MGAM2: variants seen among roughly 807,000 people sequenced by gnomAD.
The protein encoded by MGAM2 is maltase-glucoamylase 2 (putative).
A neutral mutation model predicts 96.1 loss-of-function variants in MGAM2; 98 were observed. The observed-to-expected ratio is 1.02, with a 90% CI of 0.87 to 1.21. The LOEUF (loss-of-function observed/expected upper bound fraction) is 1.21, where lower values mean the gene tolerates loss of function less well. Ranked by LOEUF, MGAM2 falls within the 50% of genes most tolerant of loss-of-function variation. The pLI, the probability that MGAM2 is intolerant of heterozygous loss-of-function variation, is 0.00. For missense variants in MGAM2, 2,055 were observed against 1,182.4 expected, an observed-to-expected ratio of 1.74 and a Z score of -10.82; for synonymous variants, 749 against 414.8, an observed-to-expected ratio of 1.81 and a Z score of -9.79.
intron 10 of MGAM2, 139 bp downstream of exon 10, chr7:142,138,806 G>T: frequency 1.7e-6 from 1 of 594,908 alleles, no homozygotes; most frequent in East Asian, 2.8e-5. Flanking sequence ...AAATTTGCAT[G>T]TTAAGTTATG....
In MGAM2 at chr7:142,140,815, CT is replaced by C. The variant is rs1212807096; in HGVS notation, c.1101del (p.Asp368ThrfsTer2). 3 of 702,568 alleles carry C rather than the reference CT, an allele frequency of 4.3e-6. No individual in the cohort carries two copies. The African/African-American group carries it at 5.2e-5, about 12-fold the overall frequency. The allele number at this position is 702,568 out of a possible 1,614,324, so 43.5% of individuals were successfully genotyped here. ...LAEIPYDVQY[S>X]DIDYMDGKKD... Reference sequence around the variant, plus strand: ...GCTCTCTTTCAGGATGTCCAGTACTCTGACATAGACTACATGGATGGAAAGA... The same window carrying C: ...GCTCTCTTTCAGGATGTCCAGTACTCGACATAGACTACATGGATGGAAAGA... On this transcript the variant is annotated frameshift_variant, in exon 11 of 48. Transcript: ENST00000477922. LOFTEE classifies it high-confidence loss of function.
chr7:142,114,260 T>A (rs1253741171), intron 1 of MGAM2, among the ~76,000 whole-genome samples: 2 of 150,796 alleles, frequency 1.3e-5, no homozygotes, highest in African/African-American at 2.5e-5. Flanking sequence ...ATATTGAAGA[T>A]AAGCCAGAAA....
chr7:142,193,492 C>T (rs114389131), intron 37 of MGAM2, among the ~76,000 whole-genome samples: 202 of 152,284 alleles, frequency 1.3e-3, no homozygotes, highest in African/African-American at 4.8e-3. Flanking sequence ...GAGAGCTCAG[C>T]GTTTGTGGCA....
intron 46 of MGAM2, among the ~76,000 whole-genome samples, chr7:142,215,531 C>A (rs1243137089): frequency 6.6e-6 from 1 of 151,348 alleles, no homozygotes; most frequent in Non-Finnish European, 1.5e-5. Context: ...GAAGCCAAGG[C>A]AGGTGGATCA....
chr7:142,175,303 G>T (rs1796337994), intron 31 of MGAM2, among the ~76,000 whole-genome samples: 1 of 152,132 alleles, frequency 6.6e-6, no homozygotes, highest in Admixed American at 6.5e-5. Flanking sequence ...TCCTAGGAAA[G>T]TCCCAGTTTC....
intron 3 of MGAM2, among the ~76,000 whole-genome samples, chr7:142,125,917 A>G (rs1444202558): frequency 1.3e-5 from 2 of 152,112 alleles, no homozygotes; most frequent in African/African-American, 2.4e-5. Context: ...TTTCCTGTCT[A>G]TCTCCAAATT....
intron 45 of MGAM2, among the ~76,000 whole-genome samples, chr7:142,206,401 C>T (rs2129103563): frequency 6.6e-6 from 1 of 152,230 alleles, no homozygotes; most frequent in African/African-American, 2.4e-5. Flanking sequence ...GCAAAGTTAT[C>T]TTCAAGATAA....
At chr7:142,127,866 A>G (rs1186274272) in intron 3 of MGAM2, among the ~76,000 whole-genome samples, 1 of 152,220 alleles carries the variant, frequency 6.6e-6, no homozygotes, top group Non-Finnish European at 1.5e-5. Context: ...CAGCATGAGA[A>G]CTGACTAATA....
chr7:142,130,875 T>A, intron 3 of MGAM2, 73 bp from the exon 4 acceptor site: 1 of 656,026 alleles, frequency 1.5e-6, no homozygotes, highest in East Asian at 2.7e-5. Context: ...ATAAAATGGG[T>A]TATAAATAAA....
At position 142,185,224 on chromosome 7, in the gene MGAM2, C is replaced by T. The variant is rs1796658578; in HGVS notation, c.3987+85C>T. On this transcript the variant is annotated intron_variant, in intron 34 of 47. Transcript: ENST00000477922. ...TTATCCTGATGAATAAGTAGCTAAC[C>T]CTTCAGTTAAGTAGCCCTAACTTGA... 15 of 665,196 alleles carry T rather than the reference C, an allele frequency of 2.3e-5. No homozygotes were observed. The East Asian group carries it at 4.1e-4, about 18-fold the overall frequency. The allele number at this position is 665,196 out of a possible 1,614,324, so 41.2% of individuals were successfully genotyped here. A position where few individuals can be genotyped will look rare whatever the true frequency, so the allele number is the denominator to read the frequency against.
rs1164846388 is a variant in MGAM2, at chr7:142,172,784, A to G, written c.3561+20A>G. On this transcript the variant is annotated intron_variant, in intron 30 of 47. Coordinates refer to ENST00000477922, the MANE Select transcript of MGAM2 (RefSeq NM_001293626.2). ...ACAGAGGTTAGAAGCCATTCTGTCC[A>G]TCAATATATTGTCAAATATTTATTG... 5.8e-6 allele frequency: 4 copies of G among 687,464 alleles called. No homozygotes were observed. Among genetic ancestry groups the G allele is most frequent in the Non-Finnish European group, 1.1e-5 (4 of 379,862 alleles). 42.6% of individuals were successfully genotyped at this position (687,464 alleles called of 1,614,324 possible).
At chr7:142,215,356 G>A (rs761372903) in intron 46 of MGAM2, among the ~76,000 whole-genome samples, 1 of 151,972 alleles carries the variant, frequency 6.6e-6, no homozygotes, top group Non-Finnish European at 1.5e-5. Context: ...TGTAGATGAC[G>A]GGTTGATGGG....
chr7:142,186,218 T>C, intron 35 of MGAM2, 95 bp downstream of exon 35: 1 of 640,070 alleles, frequency 1.6e-6, no homozygotes. Flanking sequence ...GACATAGGGC[T>C]GAAGAGATGA....
At chr7:142,122,185 A>T (rs928758231) in intron 3 of MGAM2, among the ~76,000 whole-genome samples, 1 of 152,126 alleles carries the variant, frequency 6.6e-6, no homozygotes, top group African/African-American at 2.4e-5. Context: ...CGTATTTATC[A>T]CTTATCCCAC....
Position 142,146,396 on chromosome 7 carries a change from A to G in MGAM2, c.1517-1060A>G, listed in dbSNP as rs905953968. Among the ~76,000 whole-genome samples, 7 of 152,104 alleles carry G rather than the reference A, an allele frequency of 4.6e-5. No individual in the cohort carries two copies. In the East Asian group the frequency reaches 9.7e-4, roughly 21 times the overall value. On this transcript the variant is annotated intron_variant, in intron 14 of 47. Coordinates refer to ENST00000477922, the MANE Select transcript of MGAM2 (RefSeq NM_001293626.2). ...ATGCCACACACCAAGCTGTGCAAGA[A>G]ATAGAATTTTCTTCCCATCTTACAT...
chr7:142,220,887 C>T lies in MGAM2; in HGVS notation c.6376C>T (p.Leu2126=). ...TTVLIATTSS[L]TGTTDVSTST... ...TGTACTTATTGCCACTACTTCTTCT[C>T]TAACAGGTACTACTGATGTTAGCAC... Residue 2126 remains leucine (L), a synonymous_variant, in exon 48 of 48, where the codon CTA becomes TTA. Transcript: ENST00000477922. 2.8e-6 allele frequency: 2 copies of T among 702,048 alleles called. No homozygotes were observed. The highest frequency in any genetic ancestry group is 3.0e-5 in the South Asian group (2 of 67,562). The allele number at this position is 702,048 out of a possible 1,614,324, so 43.5% of individuals were successfully genotyped here.
intron 32 of MGAM2, among the ~76,000 whole-genome samples, chr7:142,176,455 TTGTG>T (rs200879756): frequency 6.9e-6 from 1 of 144,698 alleles, no homozygotes; most frequent in African/African-American, 2.5e-5. Context: ...CTTCTACAAG[TTGTG>T]TGTGTGTGTG....
At chr7:142,163,096 A>C (rs1055778569) in intron 23 of MGAM2, among the ~76,000 whole-genome samples, 7 of 152,160 alleles carry the variant, frequency 4.6e-5, no homozygotes, top group African/African-American at 1.7e-4. Context: ...AAACCCATCC[A>C]AGTTGTGTGT....
intron 46 of MGAM2, among the ~76,000 whole-genome samples, chr7:142,217,086 AC>A (rs1254246252): frequency 6.6e-6 from 1 of 152,002 alleles, no homozygotes; most frequent in East Asian, 1.9e-4. Flanking sequence ...TTCTCTCTTG[AC>A]CCTCTTCCTC....
Sources: gnomAD v4.1 joint callset for allele counts (sites outside exome capture counted in the v4.1 genomes callset) on GRCh38, gnomAD v4.1.1 for gene constraint, MANE v1.5 for transcripts, NCBI Gene and HGNC (gene_info 2026-07-23, HGNC 2026-07-21) for gene names.